PRDM11: variants seen among roughly 807,000 people sequenced by gnomAD.
The protein encoded by PRDM11 is PR/SET domain 11.
A neutral mutation model predicts 97.8 loss-of-function variants in PRDM11; 20 were observed. The ratio of observed to expected loss-of-function variants is 0.20; its 90% CI spans 0.14 to 0.30. PRDM11 has a LOEUF of 0.30. PRDM11 is among the 10% of genes least tolerant of loss of function. The pLI is 1.00. For missense variants in PRDM11, 1,139 were observed against 1,555.2 expected, an observed-to-expected ratio of 0.73 and a Z score of 4.50; for synonymous variants, 599 against 637.7, an observed-to-expected ratio of 0.94 and a Z score of 0.91.
At chr11:45,126,536 T>C (rs1264993489) in intron 1 of PRDM11, among the ~76,000 whole-genome samples, 1 of 152,150 alleles carries the variant, frequency 6.6e-6, no homozygotes, top group Non-Finnish European at 1.5e-5. Flanking sequence ...GGCCTGGTGG[T>C]GACAAAATCT....
intron 1 of PRDM11, among the ~76,000 whole-genome samples, chr11:45,171,401 G>A (rs1852198889): frequency 6.6e-6 from 1 of 152,112 alleles, no homozygotes; most frequent in Non-Finnish European, 1.5e-5. Flanking sequence ...TGCCCAGCCG[G>A]TTATGTGGAT....
chr11:45,141,987 G>T (rs999293769), upstream of PRDM11, among the ~76,000 whole-genome samples: 1 of 152,112 alleles, frequency 6.6e-6, no homozygotes, highest in Non-Finnish European at 1.5e-5. Context: ...CACTGGAAGG[G>T]GAATCAGATG....
chr11:45,095,825 C>T, exon 1 of PRDM11: 2 of 773,134 alleles, frequency 2.6e-6, no homozygotes, highest in East Asian at 4.9e-5. Flanking sequence ...ATGGCAGAGC[C>T]AATTGCATCC....
chr11:45,208,388 A>G lies in PRDM11; in HGVS notation c.554+3610A>G, dbSNP rs540270591. 3.9e-5 allele frequency among the ~76,000 whole-genome samples: 6 copies of G among 152,324 alleles called. No individual in the cohort carries two copies. In the South Asian group the frequency reaches 1.2e-3, roughly 32 times the overall value. On this transcript the variant is annotated intron_variant, in intron 5 of 7. Transcript: ENST00000683152. Reference sequence around the variant, plus strand: ...CCCTGGTTACGTATTCTTCCGAGCCATTCATTCAGCTGTAGGGCTGTAGGT... The same window carrying G: ...CCCTGGTTACGTATTCTTCCGAGCCGTTCATTCAGCTGTAGGGCTGTAGGT...
chr11:45,145,528 T>C (rs1172082339), upstream of PRDM11, among the ~76,000 whole-genome samples: 2 of 152,212 alleles, frequency 1.3e-5, no homozygotes, highest in African/African-American at 4.8e-5. Context: ...GGGGGCCGTC[T>C]GGGCAACTCT....
At chr11:45,206,954 G>A (rs865972271) in intron 5 of PRDM11, among the ~76,000 whole-genome samples, 4 of 152,324 alleles carry the variant, frequency 2.6e-5, no homozygotes, top group Admixed American at 6.5e-5. Context: ...GCCTGGATGG[G>A]CACTGGTGAG....
At chr11:45,200,464 T>C (rs1168641829) in intron 4 of PRDM11, among the ~76,000 whole-genome samples, 1 of 152,244 alleles carries the variant, frequency 6.6e-6, no homozygotes, top group East Asian at 1.9e-4. Context: ...GGTTGGTTTT[T>C]ATCCAATTTT....
chr11:45,231,413 A>G lies in PRDM11; in HGVS notation c.*3254A>G, dbSNP rs747587011. ...TTGATGTGTATACAGAACTGTGGAAAAGCAGTTGGTGGATCCCAAATGTTG... is the reference window on the plus strand; with the variant it reads ...TTGATGTGTATACAGAACTGTGGAAGAGCAGTTGGTGGATCCCAAATGTTG... On this transcript the variant is annotated 3_prime_UTR_variant, in exon 8 of 8. Coordinates refer to ENST00000683152, the MANE Select transcript of PRDM11 (RefSeq NM_001384648.1). The G allele has an allele frequency of 2.6e-5, 4 of 152,136 alleles. No homozygotes were observed. Among genetic ancestry groups the G allele is most frequent in the Non-Finnish European group, 5.9e-5 (4 of 68,074 alleles). The allele number at this position is 152,136 out of a possible 1,614,324, so 9.4% of individuals were successfully genotyped here. A position where few individuals can be genotyped will look rare whatever the true frequency, so the allele number is the denominator to read the frequency against.
At chr11:45,211,167 C>T (rs1031398790) in intron 5 of PRDM11, among the ~76,000 whole-genome samples, 5 of 152,198 alleles carry the variant, frequency 3.3e-5, no homozygotes, top group East Asian at 1.9e-4. Flanking sequence ...CCTTCCAACA[C>T]TGGCCATGCT....
intron 1 of PRDM11, among the ~76,000 whole-genome samples, chr11:45,129,328 T>G (rs115158552): frequency 0.013 from 1,972 of 152,224 alleles, 37 homozygotes; most frequent in African/African-American, 0.045. Flanking sequence ...AATTGAAAAG[T>G]ATGAGACTTA....
At chr11:45,099,474 A>AAT (rs1491044540) in intron 1 of PRDM11, among the ~76,000 whole-genome samples, 1 of 146,422 alleles carries the variant, frequency 6.8e-6, no homozygotes, top group Non-Finnish European at 1.5e-5. Context: ...AAAAAAAAAA[A>AAT]ATCACAGGCT....
intron 1 of PRDM11, among the ~76,000 whole-genome samples, chr11:45,180,321 C>T (rs1440710799): frequency 6.6e-6 from 1 of 152,146 alleles, no homozygotes; most frequent in African/African-American, 2.4e-5. Context: ...GGTGCGGCCG[C>T]GGCTGAGCGA....
chr11:45,225,170 G>A (rs1423447127), intron 7 of PRDM11: 4 of 1,292,114 alleles, frequency 3.1e-6, no homozygotes, highest in African/African-American at 1.5e-5. Context: ...TCTAAACCCA[G>A]TCTTTCTCTG....
chr11:45,167,842 T>C (rs1159097805), intron 1 of PRDM11, among the ~76,000 whole-genome samples: 1 of 150,942 alleles, frequency 6.6e-6, no homozygotes, highest in South Asian at 2.1e-4. Context: ...GGCTGCCTGA[T>C]AGTGAGTTCC....
At chr11:45,215,547 A>C (rs1853932698) in intron 5 of PRDM11, among the ~76,000 whole-genome samples, 1 of 152,202 alleles carries the variant, frequency 6.6e-6, no homozygotes, top group Non-Finnish European at 1.5e-5. Context: ...GCCAAATTGG[A>C]AGCTGTAAAA....
At chr11:45,223,726 G>A (rs1054496363) in intron 6 of PRDM11, among the ~76,000 whole-genome samples, 3 of 152,304 alleles carry the variant, frequency 2.0e-5, no homozygotes, top group African/African-American at 4.8e-5. Context: ...CCAGAGCAAC[G>A]AAGGAGGAGG....
intron 4 of PRDM11, among the ~76,000 whole-genome samples, chr11:45,195,528 A>G (rs1853090571): frequency 6.6e-6 from 1 of 150,752 alleles, no homozygotes; most frequent in African/African-American, 2.4e-5. Context: ...TTCAAGGTTC[A>G]TCTGTGTGGC....
intron 1 of PRDM11, among the ~76,000 whole-genome samples, chr11:45,134,497 G>T (rs1277346553): frequency 1.3e-5 from 2 of 151,678 alleles, no homozygotes; most frequent in African/African-American, 4.8e-5. Flanking sequence ...TCAGGAGATT[G>T]AGACCAGCCT....
At position 45,109,337 on chromosome 11, in the gene PRDM11, A is replaced by G. The variant is rs10450605; in HGVS notation, c.96+13436A>G. On this transcript the variant is annotated intron_variant, in intron 1 of 6. Transcript: ENST00000530656. ...AAAATAGCACAGCTCAAGAAAAGGG[A>G]CACCCAGAGACAGCAGTGCCCTGAC... is the stretch of plus-strand genomic sequence containing the variant. 6.8e-3 allele frequency among the ~76,000 whole-genome samples: 1,039 copies of G among 152,266 alleles called. 16 individuals carry two copies. The highest frequency in any genetic ancestry group is 0.024 in the African/African-American group (982 of 41,542).
Sources: allele counts gnomAD v4.1 joint callset (sites outside exome capture counted in the v4.1 genomes callset), GRCh38; gene constraint gnomAD v4.1.1; transcripts MANE v1.5; gene names NCBI Gene and HGNC (gene_info 2026-07-23, HGNC 2026-07-21).